The following CA10 variants were observed in gnomAD, a reference collection of about 807,000 sequenced individuals.
The protein encoded by CA10 is carbonic anhydrase-related protein 10.
CA10 carries 14 observed loss-of-function variants against 44.2 expected under a neutral mutation model. The observed-to-expected ratio is 0.32, with a 90% CI of 0.21 to 0.50. The LOEUF (loss-of-function observed/expected upper bound fraction) is 0.50, where lower values mean the gene tolerates loss of function less well. CA10 is among the 20% of genes least tolerant of loss of function. The pLI, the probability that CA10 is intolerant of heterozygous loss-of-function variation, is 0.99. For synonymous variants in CA10, 159 were observed against 141.6 expected, an observed-to-expected ratio of 1.12 and a Z score of -0.87; for missense variants, 350 against 409.7, an observed-to-expected ratio of 0.85 and a Z score of 1.26.
chr17:51,934,503 T>G (rs1982786321), intron 2 of CA10, among the ~76,000 whole-genome samples: 1 of 152,154 alleles, frequency 6.6e-6, no homozygotes. Context: ...GTGCCAATTT[T>G]CCAGTTAAAA....
chr17:51,714,576 G>A (rs1916038754), intron 4 of CA10, among the ~76,000 whole-genome samples: 2 of 152,212 alleles, frequency 1.3e-5, no homozygotes, highest in South Asian at 2.1e-4. Flanking sequence ...ACATTCAGGT[G>A]GGTGGGTAGA....
At chr17:51,782,229 G>A (rs1353189836) in intron 3 of CA10, among the ~76,000 whole-genome samples, 3 of 152,122 alleles carry the variant, frequency 2.0e-5, no homozygotes, top group Admixed American at 2.0e-4. Context: ...CTCACCTTTG[G>A]GAATCACCAA....
intron 2 of CA10, among the ~76,000 whole-genome samples, chr17:52,063,987 T>G (rs543225589): frequency 5.9e-5 from 9 of 152,350 alleles, no homozygotes; most frequent in African/African-American, 1.9e-4. Context: ...ATAACGTTCT[T>G]AATCCGTTGA....
intron 3 of CA10, among the ~76,000 whole-genome samples, chr17:51,856,955 T>A (rs934842859): frequency 2.6e-5 from 4 of 152,162 alleles, no homozygotes; most frequent in African/African-American, 9.7e-5. Flanking sequence ...GTGGCTGAAT[T>A]ATGGATTTTA....
At chr17:51,911,150 G>A (rs1981774375) in intron 3 of CA10, among the ~76,000 whole-genome samples, 1 of 152,114 alleles carries the variant, frequency 6.6e-6, no homozygotes, top group South Asian at 2.1e-4. Context: ...AAGAGGCCAT[G>A]CTCTAGGTAG....
chr17:52,071,824 T>C (rs1987687684), intron 2 of CA10, among the ~76,000 whole-genome samples: 1 of 152,136 alleles, frequency 6.6e-6, no homozygotes. Context: ...AGTCATAATA[T>C]AATCCTTGCT....
intron 3 of CA10, among the ~76,000 whole-genome samples, chr17:51,895,499 T>C (rs936944909): frequency 6.6e-6 from 1 of 151,990 alleles, no homozygotes; most frequent in Non-Finnish European, 1.5e-5. Flanking sequence ...CAAGATAAAG[T>C]TGAAAAACAG....
intron 3 of CA10, among the ~76,000 whole-genome samples, chr17:51,902,272 C>T (rs1479331879): frequency 2.0e-5 from 3 of 151,994 alleles, no homozygotes; most frequent in African/African-American, 7.2e-5. Flanking sequence ...GTTGGAGGCA[C>T]CATAGCAGAA....
intron 2 of CA10, among the ~76,000 whole-genome samples, chr17:52,018,347 TG>T (rs1986033550): frequency 1.3e-5 from 2 of 152,170 alleles, no homozygotes; most frequent in Admixed American, 1.3e-4. Context: ...AGAGCAGCCG[TG>T]GGGGCTGTAC....
chr17:51,723,141 G>A (rs1238576243), intron 4 of CA10, among the ~76,000 whole-genome samples: 1 of 152,160 alleles, frequency 6.6e-6, no homozygotes, highest in Non-Finnish European at 1.5e-5. Context: ...GTGTGGGACT[G>A]GACCAAATGG....
At chr17:51,902,810 A>C (rs999183327) in intron 3 of CA10, among the ~76,000 whole-genome samples, 6 of 152,176 alleles carry the variant, frequency 3.9e-5, no homozygotes, top group Admixed American at 3.9e-4. Flanking sequence ...GCATGCAGAG[A>C]ACTATGAAAG....
At chr17:51,999,271 A>G (rs892284343) in intron 2 of CA10, among the ~76,000 whole-genome samples, 2 of 151,946 alleles carry the variant, frequency 1.3e-5, no homozygotes, top group African/African-American at 4.8e-5. Context: ...TTGTGGGAAA[A>G]CCTCTGGGCT....
At chr17:51,765,791 C>T (rs1905361203) in intron 3 of CA10, among the ~76,000 whole-genome samples, 1 of 150,276 alleles carries the variant, frequency 6.7e-6, no homozygotes, top group South Asian at 2.1e-4. Flanking sequence ...ATGTCAAGAA[C>T]TAGAAGGTAC....
chr17:52,114,508 C>T (rs1988849960), intron 1 of CA10, among the ~76,000 whole-genome samples: 1 of 152,198 alleles, frequency 6.6e-6, no homozygotes, highest in South Asian at 2.1e-4. Context: ...TGTGCTAATA[C>T]ATGTGAAGCT....
intron 3 of CA10, among the ~76,000 whole-genome samples, chr17:51,921,756 G>A (rs1323831365): frequency 6.6e-6 from 1 of 152,108 alleles, no homozygotes; most frequent in Non-Finnish European, 1.5e-5. Context: ...TTACTCAACT[G>A]AGCATATTAT....
intron 2 of CA10, among the ~76,000 whole-genome samples, chr17:52,053,521 A>G (rs1987137002): frequency 6.6e-6 from 1 of 152,158 alleles, no homozygotes; most frequent in African/African-American, 2.4e-5. Flanking sequence ...AAAAATGAAA[A>G]GTTTTTGGAA....
intron 3 of CA10, among the ~76,000 whole-genome samples, chr17:51,800,072 A>T (rs1598051155): frequency 6.6e-6 from 1 of 152,376 alleles, no homozygotes; most frequent in East Asian, 1.9e-4. Flanking sequence ...ATCATTAGTC[A>T]TAATAGCCAA....
intron 3 of CA10, among the ~76,000 whole-genome samples, chr17:51,910,353 C>G (rs2143949445): frequency 6.6e-6 from 1 of 152,270 alleles, no homozygotes; most frequent in South Asian, 2.1e-4. Flanking sequence ...AACACACCAG[C>G]TGATGTCCCT....
intron 2 of CA10, among the ~76,000 whole-genome samples, chr17:52,006,946 C>G (rs1208195850): frequency 6.6e-6 from 1 of 151,574 alleles, no homozygotes; most frequent in Non-Finnish European, 1.5e-5. Flanking sequence ...TTGAATTGCA[C>G]GTTATAATTT....
Sources: allele counts gnomAD v4.1 joint callset (sites outside exome capture counted in the v4.1 genomes callset), GRCh38; gene constraint gnomAD v4.1.1; transcripts MANE v1.5; gene names NCBI Gene and HGNC (gene_info 2026-07-23, HGNC 2026-07-21).